Variants in PTPRG observed in about 807,000 individuals in gnomAD.
PTPRG encodes receptor-type tyrosine-protein phosphatase gamma.
Under a neutral mutation model 165.3 loss-of-function variants are expected in PTPRG, and 102 were observed. That is an observed-to-expected ratio of 0.62 (90% CI 0.53 to 0.73). The LOEUF is 0.73. Among genes scored for constraint, PTPRG ranks in the 30% least tolerant of loss-of-function variants. PTPRG has a pLI of 0.00. For synonymous variants in PTPRG, 675 were observed against 669.5 expected (o/e 1.01, Z -0.13); for missense variants, 1,866 against 1,861.4 (o/e 1.00, Z -0.05).
At chr3:62,282,422 A>C (rs1432315286) in intron 27 of PTPRG, among the ~76,000 whole-genome samples, 1 of 149,498 alleles carries the variant, frequency 6.7e-6, no homozygotes, top group East Asian at 2.0e-4. Flanking sequence ...TTAGAGACAG[A>C]TCTCCCTGTG....
rs747596127 is a variant in PTPRG at position 61,562,262 on chromosome 3, C to T, written c.-26C>T. Reference sequence around the variant, plus strand: ...TTCAACAAGTTTACCTCCCTGCTTTCCTCTTTTCGATGTGCGTTTTCGGAC... The same window carrying T: ...TTCAACAAGTTTACCTCCCTGCTTTTCTCTTTTCGATGTGCGTTTTCGGAC... On this transcript the variant is annotated 5_prime_UTR_variant, in exon 1 of 30. Coordinates refer to ENST00000474889, the MANE Select transcript of PTPRG (RefSeq NM_002841.4). 3.1e-6 allele frequency: 5 copies of T among 1,607,274 alleles called. No individual in the cohort carries two copies. The highest frequency in any genetic ancestry group is 3.3e-5 in the Admixed American group (2 of 59,988).
Position 62,296,934 on chromosome 3 carries a change from A to G in PTPRG, c.*3627A>G, listed in dbSNP as rs768909730. ...AAGAAATAAACATCTCCAGAAAAGG[A>G]GAAAGTCGATTTTATAAAATGTCGC... On this transcript the variant is annotated 3_prime_UTR_variant, in exon 30 of 30. Transcript: ENST00000474889. 6.6e-6 allele frequency: 1 copy of G among 152,060 alleles called. No individual in the cohort carries two copies. The highest frequency in any genetic ancestry group is 1.5e-5 in the Non-Finnish European group (1 of 67,966). 9.4% of individuals were successfully genotyped at this position (152,060 alleles called of 1,614,324 possible).
At chr3:61,836,072 A>AT (rs149329464) in intron 2 of PTPRG, among the ~76,000 whole-genome samples, 19,050 of 138,402 alleles carry the variant, frequency 0.14, 1,356 homozygotes, top group East Asian at 0.31. Flanking sequence ...CAAAAAAAAA[A>AT]ATATATATAT....
At chr3:62,067,740 TG>T (rs936409091) in intron 4 of PTPRG, among the ~76,000 whole-genome samples, 7 of 152,130 alleles carry the variant, frequency 4.6e-5, no homozygotes, top group African/African-American at 1.7e-4. Context: ...GAGAATCTAA[TG>T]GCATCCTGAT....
At chr3:61,598,130 T>C (rs1700750786) in intron 1 of PTPRG, among the ~76,000 whole-genome samples, 1 of 152,204 alleles carries the variant, frequency 6.6e-6, no homozygotes, top group South Asian at 2.1e-4. Flanking sequence ...AGTGAAATAA[T>C]GCCTTTTTGC....
rs1576182946 is a variant in PTPRG at position 62,255,393 on chromosome 3, A to AG, written c.2559+182dup. Among the ~76,000 whole-genome samples, 1 of 151,924 alleles carries AG rather than the reference A, an allele frequency of 6.6e-6. No homozygotes were observed. The highest frequency in any genetic ancestry group is 2.1e-4 in the South Asian group (1 of 4,836). On this transcript the variant is annotated intron_variant, in intron 16 of 29. Transcript: ENST00000474889. The surrounding 1 kb of genome is among the most constrained non-coding windows in gnomAD (Gnocchi z 4.0). ...CTTTTCCAAATAAAATTTAGGTGAA[A>AG]GGGGAGTTGATTGTACCTGTCCTGA... is the stretch of plus-strand genomic sequence containing the variant.
Position 61,595,718 on chromosome 3 carries a change from G to A in PTPRG, c.85+33346G>A, listed in dbSNP as rs114626549. On this transcript the variant is annotated intron_variant, in intron 1 of 29. Coordinates refer to ENST00000474889, the MANE Select transcript of PTPRG (RefSeq NM_002841.4). ...ACATGTAAAACTGGGTTGGGGTCTT[G>A]GAGTCTTTATTGGTTTTATAGGTTT... is the stretch of plus-strand genomic sequence containing the variant. Among the ~76,000 whole-genome samples, 875 of 152,302 alleles carry A rather than the reference G, an allele frequency of 5.7e-3. 4 individuals carry two copies. Among genetic ancestry groups the A allele is most frequent in the African/African-American group, 0.02 (837 of 41,574 alleles).
At chr3:61,620,752 C>T (rs1701426504) in intron 1 of PTPRG, among the ~76,000 whole-genome samples, 1 of 151,956 alleles carries the variant, frequency 6.6e-6, no homozygotes, top group African/African-American at 2.4e-5. Context: ...CCTCAGCCTC[C>T]CGAGTAGCTA....
chr3:62,028,945 A>G (rs1185387273), intron 4 of PTPRG, among the ~76,000 whole-genome samples: 1 of 152,214 alleles, frequency 6.6e-6, no homozygotes, highest in Non-Finnish European at 1.5e-5. Context: ...CTAATGCCAA[A>G]GACCCAGGAA....
In PTPRG at chr3:61,652,406, C is replaced by T. The variant is rs372960394; in HGVS notation, c.85+90034C>T. Among the ~76,000 whole-genome samples the T allele has an allele frequency of 2.6e-5, 4 of 152,292 alleles. No homozygotes were observed. The East Asian group carries it at 5.8e-4, about 22-fold the overall frequency. On this transcript the variant is annotated intron_variant, in intron 1 of 29. Transcript: ENST00000474889. Reference sequence around the variant, plus strand: ...GTTAGCCATTGACAGGGCTGATCTTCAAGTTTACCTCTGCCTGACTCTGAA... The same window carrying T: ...GTTAGCCATTGACAGGGCTGATCTTTAAGTTTACCTCTGCCTGACTCTGAA...
chr3:61,910,296 C>T (rs2038767597), intron 2 of PTPRG, among the ~76,000 whole-genome samples: 1 of 152,198 alleles, frequency 6.6e-6, no homozygotes, highest in Admixed American at 6.5e-5. Flanking sequence ...CCGAATGTCA[C>T]CAAAATGTGC....
chr3:61,742,696 A>G, intron 1 of PTPRG: 5 of 1,606,202 alleles, frequency 3.1e-6, no homozygotes. Flanking sequence ...GTTGTGTGTG[A>G]GCAGGGAAGG....
At chr3:61,960,515 C>T (rs2040126571) in intron 2 of PTPRG, among the ~76,000 whole-genome samples, 1 of 152,152 alleles carries the variant, frequency 6.6e-6, no homozygotes, top group South Asian at 2.1e-4. Flanking sequence ...ATGAAGTCTA[C>T]TCTGGAGACT....
intron 4 of PTPRG, among the ~76,000 whole-genome samples, chr3:62,062,864 G>C (rs1483924296): frequency 6.6e-6 from 1 of 152,030 alleles, no homozygotes; most frequent in African/African-American, 2.4e-5. Flanking sequence ...ATGTTGCTTA[G>C]GCTGTTTTCA....
At chr3:61,631,639 C>T (rs1023946764) in intron 1 of PTPRG, among the ~76,000 whole-genome samples, 49 of 152,056 alleles carry the variant, frequency 3.2e-4, no homozygotes, top group African/African-American at 1.1e-3. Flanking sequence ...CCAAAAATTG[C>T]GTTTGTTATA....
At chr3:61,748,005 T>G (rs2033278791) in intron 1 of PTPRG, among the ~76,000 whole-genome samples, 1 of 152,192 alleles carries the variant, frequency 6.6e-6, no homozygotes, top group Non-Finnish European at 1.5e-5. Context: ...GAGAGGGCTT[T>G]GAACGCTATA....
chr3:62,160,290 C>T (rs1369449698), intron 7 of PTPRG, among the ~76,000 whole-genome samples: 2 of 152,178 alleles, frequency 1.3e-5, no homozygotes, highest in Non-Finnish European at 2.9e-5. Context: ...TCTCTTGTTC[C>T]CTTTTGTGAG....
chr3:61,860,838 T>C (rs891295226), intron 2 of PTPRG, among the ~76,000 whole-genome samples: 1 of 151,982 alleles, frequency 6.6e-6, no homozygotes. Flanking sequence ...TTTCCCAGGG[T>C]GTGTGTGTAT....
intron 2 of PTPRG, among the ~76,000 whole-genome samples, chr3:61,855,689 T>G (rs1477376509): frequency 6.6e-6 from 1 of 150,836 alleles, no homozygotes; most frequent in Non-Finnish European, 1.5e-5. Context: ...AAGCACTGAT[T>G]TAATTATAGT....
Sources: gnomAD v4.1 joint callset for allele counts (sites outside exome capture counted in the v4.1 genomes callset) on GRCh38, gnomAD v4.1.1 for gene constraint, Gnocchi (gnomAD v3.1) non-coding constraint, MANE v1.5 for transcripts, NCBI Gene and HGNC (gene_info 2026-07-23, HGNC 2026-07-21) for gene names.